Variants in ABLIM3 observed in about 807,000 individuals in gnomAD.
The protein encoded by ABLIM3 is actin-binding LIM protein 3.
ABLIM3 carries 61 observed loss-of-function variants against 109.5 expected under a neutral mutation model. The observed-to-expected ratio is 0.56, with a 90% CI of 0.45 to 0.69. The LOEUF (loss-of-function observed/expected upper bound fraction) is 0.69, where lower values mean the gene tolerates loss of function less well. ABLIM3 is among the 30% of genes least tolerant of loss of function. The pLI, the probability that ABLIM3 is intolerant of heterozygous loss-of-function variation, is 0.00. For synonymous variants in ABLIM3, 300 were observed against 324.8 expected (o/e 0.92, Z 0.82); for missense variants, 796 against 889.5 (o/e 0.89, Z 1.34).
chr5:149,175,404 T>C (rs1383528360), intron 2 of ABLIM3, among the ~76,000 whole-genome samples: 4 of 152,182 alleles, frequency 2.6e-5, no homozygotes, highest in Non-Finnish European at 5.9e-5. Context: ...ATCACAAAGC[T>C]AAATATTCTA....
chr5:149,201,830 G>C (rs2127500445), intron 5 of ABLIM3, among the ~76,000 whole-genome samples: 1 of 152,220 alleles, frequency 6.6e-6, no homozygotes, highest in South Asian at 2.1e-4. Flanking sequence ...TGAGGCAGGA[G>C]AGGGAGAAGT....
chr5:149,253,575 C>T (rs1371653484), intron 23 of ABLIM3, among the ~76,000 whole-genome samples: 1 of 152,108 alleles, frequency 6.6e-6, no homozygotes, highest in Non-Finnish European at 1.5e-5. Flanking sequence ...ACCACTAAGG[C>T]CTGAGGCAGT....
intron 2 of ABLIM3, among the ~76,000 whole-genome samples, chr5:149,144,248 G>A (rs1209238914): frequency 6.6e-6 from 1 of 152,160 alleles, no homozygotes; most frequent in African/African-American, 2.4e-5. Context: ...GTTCCCCCCA[G>A]GAGGAAGTGC....
At chr5:149,250,931 C>T (rs1051131943) in intron 20 of ABLIM3, among the ~76,000 whole-genome samples, 1 of 152,158 alleles carries the variant, frequency 6.6e-6, no homozygotes, top group Admixed American at 6.5e-5. Flanking sequence ...CACAGCCCAC[C>T]CCCAACTGCT....
intron 12 of ABLIM3, 136 bp downstream of exon 12, chr5:149,239,413 C>G: frequency 1.0e-6 from 1 of 983,254 alleles, no homozygotes; most frequent in East Asian, 2.5e-5. Flanking sequence ...GCTGGAGAGA[C>G]TCGGGTGCAT....
At chr5:149,147,713 G>A (rs1488309890) in intron 2 of ABLIM3, among the ~76,000 whole-genome samples, 1 of 152,160 alleles carries the variant, frequency 6.6e-6, no homozygotes, top group East Asian at 1.9e-4. Context: ...TTGATAGAGT[G>A]CAGGCCCTGG....
At chr5:149,219,212 A>G (rs909864931) in intron 8 of ABLIM3, 1 of 152,250 alleles carries the variant, frequency 6.6e-6, no homozygotes, top group African/African-American at 2.4e-5. Flanking sequence ...ATTAGATGCC[A>G]ACCACGTGCT....
At chr5:149,173,845 C>T (rs988411639) in intron 2 of ABLIM3, among the ~76,000 whole-genome samples, 5 of 151,984 alleles carry the variant, frequency 3.3e-5, no homozygotes, top group Non-Finnish European at 7.4e-5. Flanking sequence ...CACGGTGAAA[C>T]CCCGTCTCTA....
At chr5:149,165,293 A>G (rs4314386) in intron 2 of ABLIM3, among the ~76,000 whole-genome samples, 64,072 of 152,048 alleles carry the variant, frequency 0.42, 14,020 homozygotes, top group Middle Eastern at 0.49. Context: ...TGGATAAACT[A>G]TGGCTCAAGG....
Position 149,207,132 on chromosome 5 carries a change from C to A in ABLIM3, c.573C>A (p.Ser191Arg). Residue 191 changes from serine to arginine, a missense_variant and splice_region_variant, in exon 6 of 24, where the codon AGC becomes AGA. Physicochemically the swap from Ser to Arg is moderately radical, Grantham distance 110. Transcript: ENST00000309868. ...CSVILTGEYI[S>R]KDGVPYCESD... Reference sequence around the variant, plus strand: ...TCATCCTCACCGGGGAGTATATCAGCAAGTGGGTCCCCCTGCTCCTGCCCC... The same window carrying A: ...TCATCCTCACCGGGGAGTATATCAGAAAGTGGGTCCCCCTGCTCCTGCCCC... The A allele has an allele frequency of 6.2e-7, 1 of 1,613,006 alleles. No individual in the cohort carries two copies. Among genetic ancestry groups the A allele is most frequent in the Non-Finnish European group, 8.5e-7 (1 of 1,179,386 alleles).
At chr5:149,238,701 G>A (rs1347009012) in intron 11 of ABLIM3, among the ~76,000 whole-genome samples, 1 of 152,238 alleles carries the variant, frequency 6.6e-6, no homozygotes. Context: ...TGCTGGGCAG[G>A]CATTCCAGCT....
chr5:149,233,279 G>A lies in ABLIM3; in HGVS notation c.867G>A (p.Gly289=). 2 of 1,614,078 alleles carry A rather than the reference G, an allele frequency of 1.2e-6. No individual in the cohort carries two copies. The highest frequency in any genetic ancestry group is 1.7e-6 in the Non-Finnish European group (2 of 1,180,002). The change falls in exon 10 of 24, where the codon GGG becomes GGA. Residue 289 remains glycine (G), a synonymous_variant. Coordinates refer to ENST00000309868, the MANE Select transcript of ABLIM3 (RefSeq NM_014945.5). ...TSISPPGSSI[G]SPNRVICAKV... is the part of the protein sequence containing the mutation. Reference sequence around the variant, plus strand: ...TCTCACCCCCTGGATCCAGCATTGGGTCACCCAACCGAGTCATCTGCGTAT... The same window carrying A: ...TCTCACCCCCTGGATCCAGCATTGGATCACCCAACCGAGTCATCTGCGTAT...
chr5:149,172,360 A>C (rs1362963067), intron 2 of ABLIM3, among the ~76,000 whole-genome samples: 11 of 152,216 alleles, frequency 7.2e-5, no homozygotes, highest in Admixed American at 7.2e-4. Flanking sequence ...GTCATTATGC[A>C]AAATTAATTT....
chr5:149,148,048 C>T (rs187999148), intron 2 of ABLIM3, among the ~76,000 whole-genome samples: 8 of 152,122 alleles, frequency 5.3e-5, no homozygotes, highest in Admixed American at 2.6e-4. Flanking sequence ...TTGAGAAGCA[C>T]ACCTGAAGTG....
At position 149,183,561 on chromosome 5, in the gene ABLIM3, C is replaced by T. The variant is rs1426581958; in HGVS notation, c.123C>T (p.His41=). The change falls in exon 3 of 24, where the codon CAC becomes CAT. Residue 41 remains histidine, a synonymous_variant. Coordinates refer to ENST00000309868, the MANE Select transcript of ABLIM3 (RefSeq NM_014945.5). ...KGEVVRVHNN[H]FHIRCFTCQV... ...AAGTGGTCCGCGTGCACAACAACCA[C>T]TTCCACATCAGATGCTTCACCTGTC... The T allele has an allele frequency of 1.3e-6, 2 of 1,577,856 alleles. No homozygotes were observed. The highest frequency in any genetic ancestry group is 1.2e-5 in the South Asian group (1 of 85,278).
intron 2 of ABLIM3, among the ~76,000 whole-genome samples, chr5:149,170,314 A>T (rs775354568): frequency 6.7e-6 from 1 of 149,928 alleles, no homozygotes; most frequent in African/African-American, 2.5e-5. Context: ...TTCTCTCAAC[A>T]TGTGGAGCAA....
chr5:149,180,836 C>G (rs943169152), intron 2 of ABLIM3, among the ~76,000 whole-genome samples: 8 of 152,222 alleles, frequency 5.3e-5, no homozygotes, highest in Non-Finnish European at 8.8e-5. Flanking sequence ...TTTTCCTAAT[C>G]CATTCCCCTC....
intron 3 of ABLIM3, among the ~76,000 whole-genome samples, chr5:149,196,378 A>G (rs182111715): frequency 1.3e-4 from 20 of 152,360 alleles, no homozygotes; most frequent in Non-Finnish European, 1.6e-4. Flanking sequence ...CTTCAGACTT[A>G]CAGTCTTGCT....
intron 23 of ABLIM3, among the ~76,000 whole-genome samples, chr5:149,253,097 A>G (rs1021861959): frequency 2.7e-5 from 4 of 150,206 alleles, no homozygotes; most frequent in Non-Finnish European, 5.9e-5. Context: ...AAACTTCCCC[A>G]TGCTGTTCTT....
Sources: gnomAD v4.1 joint callset for allele counts (sites outside exome capture counted in the v4.1 genomes callset) on GRCh38, gnomAD v4.1.1 for gene constraint, MANE v1.5 for transcripts, NCBI Gene and HGNC (gene_info 2026-07-23, HGNC 2026-07-21) for gene names.